The following CSMD1 variants were observed in gnomAD, a reference collection of about 807,000 sequenced individuals.
CSMD1 encodes CUB and Sushi multiple domains 1.
In CSMD1, 213 loss-of-function variants were observed where a neutral mutation model predicts 417.5. The observed-to-expected ratio is 0.51, with a 90% CI of 0.46 to 0.57. The LOEUF (loss-of-function observed/expected upper bound fraction) is 0.57. Ranked by LOEUF, CSMD1 falls within the 20% of genes least tolerant of loss-of-function variation. The pLI is 0.00. For missense variants in CSMD1, 6,923 were observed against 4,529.7 expected, an observed-to-expected ratio of 1.53 and a Z score of -15.17; for synonymous variants, 2,862 against 1,736.8, an observed-to-expected ratio of 1.65 and a Z score of -16.11.
rs1563316649 is a variant in CSMD1, at chr8:4,236,044, T to TG, written c.415+183908_415+183909insC. On this transcript the variant is annotated intron_variant, in intron 3 of 69. Transcript: ENST00000635120. ...GGATATTGTTTTTTTTGTTTGTTTT[T>TG]TTTTTTTTTTTTTTTTTTTTTTTTT... is the stretch of plus-strand genomic sequence containing the variant. 5.1e-4 allele frequency among the ~76,000 whole-genome samples: 21 copies of TG among 41,570 alleles called. 1 individual carries two copies. Among genetic ancestry groups the TG allele is most frequent in the South Asian group, 1.2e-3 (2 of 1,658 alleles). The allele number at this position is 41,570 out of a possible 152,430, so 27.3% of individuals were successfully genotyped here.
intron 2 of CSMD1, among the ~76,000 whole-genome samples, chr8:4,545,478 A>G (rs1451920935): frequency 1.3e-5 from 2 of 152,190 alleles, no homozygotes; most frequent in East Asian, 1.9e-4. Flanking sequence ...CTACTTTTCA[A>G]TATATCTTTA....
At chr8:4,362,434 A>G (rs1467810582) in intron 3 of CSMD1, among the ~76,000 whole-genome samples, 1 of 152,194 alleles carries the variant, frequency 6.6e-6, no homozygotes, top group Non-Finnish European at 1.5e-5. Flanking sequence ...ACTTTGGACA[A>G]GAAGAGTTTT....
chr8:4,259,529 T>TA (rs1803724228), intron 3 of CSMD1, among the ~76,000 whole-genome samples: 1 of 84,620 alleles, frequency 1.2e-5, no homozygotes, highest in South Asian at 4.8e-4. Flanking sequence ...TTCGAGTTTT[T>TA]AAAAAATGTC....
At chr8:3,107,362 A>G (rs1013126061) in intron 45 of CSMD1, among the ~76,000 whole-genome samples, 1 of 152,180 alleles carries the variant, frequency 6.6e-6, no homozygotes, top group Admixed American at 6.5e-5. Flanking sequence ...TCTCAAGTGC[A>G]TGAATGTGTC....
chr8:4,973,444 T>A (rs1025681802), intron 1 of CSMD1, among the ~76,000 whole-genome samples: 2 of 152,176 alleles, frequency 1.3e-5, no homozygotes, highest in African/African-American at 4.8e-5. Context: ...TTTTAGAACA[T>A]TTTCTAGCTC....
At chr8:3,697,045 G>A (rs1324675149) in intron 7 of CSMD1, among the ~76,000 whole-genome samples, 2 of 152,088 alleles carry the variant, frequency 1.3e-5, no homozygotes, top group Non-Finnish European at 2.9e-5. Flanking sequence ...TTCCATTGAG[G>A]GCAGACACAA....
chr8:4,079,929 T>A (rs1183089550), intron 3 of CSMD1, among the ~76,000 whole-genome samples: 1 of 151,582 alleles, frequency 6.6e-6, no homozygotes. Context: ...CTTTTCTCAG[T>A]GTCTTCTCAT....
At chr8:3,311,628 CAG>C (rs1805354041) in intron 23 of CSMD1, among the ~76,000 whole-genome samples, 1 of 152,190 alleles carries the variant, frequency 6.6e-6, no homozygotes, top group Admixed American at 6.5e-5. Flanking sequence ...AAATGAAAAA[CAG>C]ATGGTTGCAT....
At chr8:4,838,321 T>C (rs184737025) in intron 1 of CSMD1, among the ~76,000 whole-genome samples, 78 of 152,222 alleles carry the variant, frequency 5.1e-4, no homozygotes, top group African/African-American at 1.9e-3. Context: ...TTCATGGAAA[T>C]AAAATTAACA....
intron 16 of CSMD1, 39 bp from the exon 17 acceptor site, chr8:3,396,420 A>AG: frequency 6.9e-7 from 1 of 1,441,362 alleles, no homozygotes; most frequent in South Asian, 1.4e-5. Flanking sequence ...GACATGCAGA[A>AG]CTGCCAGCTT....
chr8:3,281,999 C>G (rs968098730), intron 26 of CSMD1, among the ~76,000 whole-genome samples: 2 of 152,316 alleles, frequency 1.3e-5, no homozygotes, highest in East Asian at 1.9e-4. Flanking sequence ...GAAGATGTGA[C>G]TGCTTCCCCT....
intron 4 of CSMD1, among the ~76,000 whole-genome samples, chr8:4,028,223 C>G (rs1307189063): frequency 6.6e-6 from 1 of 152,132 alleles, no homozygotes; most frequent in African/African-American, 2.4e-5. Flanking sequence ...AGGAATAATT[C>G]AAATACGATT....
At chr8:4,839,286 A>G (rs936497959) in intron 1 of CSMD1, among the ~76,000 whole-genome samples, 2 of 152,170 alleles carry the variant, frequency 1.3e-5, no homozygotes, top group African/African-American at 4.8e-5. Context: ...TCATTCATCT[A>G]TTTGTTTATA....
At chr8:3,678,488 A>G (rs1701705664) in intron 7 of CSMD1, among the ~76,000 whole-genome samples, 1 of 152,202 alleles carries the variant, frequency 6.6e-6, no homozygotes, top group African/African-American at 2.4e-5. Flanking sequence ...GTTTAGAGAA[A>G]AAGGAATAAA....
chr8:3,952,022 G>A (rs577222234), intron 5 of CSMD1, among the ~76,000 whole-genome samples: 1 of 152,080 alleles, frequency 6.6e-6, no homozygotes, highest in Non-Finnish European at 1.5e-5. Context: ...TGTCCAAGAT[G>A]GATGAAAAGA....
chr8:3,846,104 G>C (rs9644356), intron 5 of CSMD1, among the ~76,000 whole-genome samples: 54,962 of 151,934 alleles, frequency 0.36, 10,791 homozygotes, highest in East Asian at 0.59. Flanking sequence ...ATAATAAAAA[G>C]TATAGTAATT....
At chr8:4,652,535 C>T (rs1201984711) in intron 1 of CSMD1, among the ~76,000 whole-genome samples, 1 of 151,960 alleles carries the variant, frequency 6.6e-6, no homozygotes, top group Non-Finnish European at 1.5e-5. Flanking sequence ...ACCTGTGATC[C>T]CAGCTACTCA....
At chr8:4,106,282 T>C (rs58793504) in intron 3 of CSMD1, among the ~76,000 whole-genome samples, 5,102 of 152,280 alleles carry the variant, frequency 0.034, 296 homozygotes, top group African/African-American at 0.12. Flanking sequence ...TGTGTTTCTG[T>C]GGGTGGGAAA....
At chr8:4,920,912 A>AG (rs1806415301) in intron 1 of CSMD1, among the ~76,000 whole-genome samples, 1 of 59,362 alleles carries the variant, frequency 1.7e-5, no homozygotes, top group Non-Finnish European at 4.3e-5. Flanking sequence ...AAAAGAAAAG[A>AG]AAAGAAAAGA....
Sources: allele counts gnomAD v4.1 joint callset (sites outside exome capture counted in the v4.1 genomes callset), GRCh38; gene constraint gnomAD v4.1.1; transcripts MANE v1.5; gene names NCBI Gene and HGNC (gene_info 2026-07-23, HGNC 2026-07-21).